The following TUSC3 variants were observed in gnomAD, a reference collection of about 807,000 sequenced individuals.
The protein encoded by TUSC3 is dolichyl-diphosphooligosaccharide--protein glycosyltransferase subunit TUSC3.
In TUSC3, 45 loss-of-function variants were observed where a neutral mutation model predicts 44.8. The observed-to-expected ratio is 1.00, with a 90% CI of 0.79 to 1.29. The LOEUF (loss-of-function observed/expected upper bound fraction) is 1.29. Ranked by LOEUF, TUSC3 falls within the 50% of genes most tolerant of loss-of-function variation. The pLI is 0.00. For missense variants in TUSC3, 519 were observed against 437.9 expected (o/e 1.19, Z -1.65); for synonymous variants, 212 against 152.9 (o/e 1.39, Z -2.85).
chr8:15,541,744 A>C (rs1801698828), intron 1 of TUSC3, among the ~76,000 whole-genome samples: 1 of 152,010 alleles, frequency 6.6e-6, no homozygotes, highest in Admixed American at 6.6e-5. Flanking sequence ...AATATAAATT[A>C]ATGATTTTTT....
intron 1 of TUSC3, among the ~76,000 whole-genome samples, chr8:15,598,809 C>G (rs1462517474): frequency 6.6e-6 from 1 of 151,438 alleles, no homozygotes; most frequent in Non-Finnish European, 1.5e-5. Context: ...AATCTATTGT[C>G]TGGATGTACC....
chr8:15,646,331 G>A (rs1488934375), intron 2 of TUSC3, among the ~76,000 whole-genome samples: 1 of 152,108 alleles, frequency 6.6e-6, no homozygotes, highest in Non-Finnish European at 1.5e-5. Context: ...TTGTGGCCAA[G>A]TTATGGAGGT....
chr8:15,488,021 A>G (rs1163932200), intron 2 of TUSC3, among the ~76,000 whole-genome samples: 2 of 152,000 alleles, frequency 1.3e-5, no homozygotes, highest in African/African-American at 4.8e-5. Flanking sequence ...GTGGTCTCCA[A>G]AAAGTCAATT....
chr8:15,660,204 C>T (rs140149682), intron 4 of TUSC3, among the ~76,000 whole-genome samples: 2 of 151,786 alleles, frequency 1.3e-5, no homozygotes, highest in Admixed American at 1.3e-4. Flanking sequence ...AAATAATATT[C>T]ATTTTATTGG....
rs549133711 is a variant in TUSC3 at position 15,642,271 on chromosome 8, C to G, written c.309-8426C>G. Among the ~76,000 whole-genome samples, 6 of 152,124 alleles carry G rather than the reference C, an allele frequency of 3.9e-5. No homozygotes were observed. In the East Asian group the frequency reaches 1.2e-3, roughly 29 times the overall value. ...ATAGTTAACTGGTTAATCAGTAGTT[C>G]AAGAATTATTTAAGAATAGTATGTG... On this transcript the variant is annotated intron_variant, in intron 2 of 10. Transcript: ENST00000503731.
intron 2 of TUSC3, among the ~76,000 whole-genome samples, chr8:15,505,715 T>G (rs1801042640): frequency 6.6e-6 from 1 of 152,204 alleles, no homozygotes; most frequent in African/African-American, 2.4e-5. Context: ...TCAGGCAGAA[T>G]GGGAGCACTA....
intron 6 of TUSC3, 104 bp downstream of exon 6, chr8:15,673,940 G>T (rs1035312941): frequency 1.0e-5 from 10 of 965,592 alleles, no homozygotes; most frequent in Admixed American, 4.0e-5. Context: ...CTGTTTGTCA[G>T]TCAAAATATA....
chr8:15,829,390 A>AT, the TUSC3 span, among the ~76,000 whole-genome samples: 84 of 151,976 alleles, frequency 5.5e-4, no homozygotes, highest in Middle Eastern at 3.4e-3. Flanking sequence ...GACAGGGGCC[A>AT]TTTTTTTTAC....
At chr8:15,834,877 G>C in the TUSC3 span, among the ~76,000 whole-genome samples, 1 of 152,142 alleles carries the variant, frequency 6.6e-6, no homozygotes, top group Non-Finnish European at 1.5e-5. Flanking sequence ...GTATTCATGA[G>C]ATGTTAAACT....
chr8:15,807,912 A>C, the TUSC3 span, among the ~76,000 whole-genome samples: 274 of 152,350 alleles, frequency 1.8e-3, 1 homozygote, highest in African/African-American at 5.7e-3. Flanking sequence ...ACTTTTGGGT[A>C]CTACATTCTA....
chr8:15,779,761 A>G, the TUSC3 span, among the ~76,000 whole-genome samples: 40 of 152,222 alleles, frequency 2.6e-4, no homozygotes, highest in Non-Finnish European at 1.0e-4. Context: ...ATGTTTTACC[A>G]TAATCTGTAA....
chr8:15,730,774 C>G (rs1585276874), intron 7 of TUSC3, 45 bp downstream of exon 7: 1 of 1,575,010 alleles, frequency 6.3e-7, no homozygotes, highest in Non-Finnish European at 8.7e-7. Flanking sequence ...CAAACTAAAG[C>G]TACATGTTTT....
In TUSC3 at chr8:15,700,849, C is replaced by CTTTTTTTTTTTTTT. The variant is rs71211076; in HGVS notation, c.798+27018_798+27031dup. 1.6e-3 allele frequency among the ~76,000 whole-genome samples: 141 copies of CTTTTTTTTTTTTTT among 90,512 alleles called. 19 individuals are homozygous for CTTTTTTTTTTTTTT. Among genetic ancestry groups the CTTTTTTTTTTTTTT allele is most frequent in the African/African-American group, 4.2e-3 (85 of 20,394 alleles). 59.4% of individuals were successfully genotyped at this position (90,512 alleles called of 152,430 possible). ...CTTTCACTAGAGGGAATGGCTGGAGCTTTTTTTTTTTTTTTTTTGCTTTGC... is the reference window on the plus strand; with the variant it reads ...CTTTCACTAGAGGGAATGGCTGGAGCTTTTTTTTTTTTTTTTTTTTTTTTTTTTTTTTGCTTTGC... On this transcript the variant is annotated intron_variant, in intron 6 of 10. Coordinates refer to ENST00000503731, the MANE Select transcript of TUSC3 (RefSeq NM_006765.4).
intron 1 of TUSC3, among the ~76,000 whole-genome samples, chr8:15,435,383 T>C (rs116278241): frequency 1.4e-3 from 220 of 152,310 alleles, no homozygotes; most frequent in African/African-American, 5.1e-3. Context: ...ATTCCTTATA[T>C]ATTAATGGAA....
intron 1 of TUSC3, among the ~76,000 whole-genome samples, chr8:15,548,558 G>T (rs1049946213): frequency 2.0e-5 from 3 of 151,806 alleles, no homozygotes; most frequent in African/African-American, 7.2e-5. Flanking sequence ...GCAAAAAACA[G>T]CATAGAAAAA....
the TUSC3 span, among the ~76,000 whole-genome samples, chr8:15,841,425 T>C: frequency 5.9e-5 from 9 of 152,316 alleles, 1 homozygote; most frequent in East Asian, 7.7e-4. Context: ...TCTAATATAA[T>C]CAGCCAAACT....
chr8:15,555,912 A>C (rs1019815), intron 1 of TUSC3, among the ~76,000 whole-genome samples: 3 of 151,266 alleles, frequency 2.0e-5, no homozygotes, highest in Non-Finnish European at 4.4e-5. Flanking sequence ...CTCTGATAAA[A>C]ATATATCAAT....
rs563767141 is a variant in TUSC3, at chr8:15,626,618, C to T, written c.308+3369C>T. 2.0e-5 allele frequency among the ~76,000 whole-genome samples: 3 copies of T among 152,300 alleles called. No individual in the cohort carries two copies. In the South Asian group the frequency reaches 6.2e-4, roughly 32 times the overall value. On this transcript the variant is annotated intron_variant, in intron 2 of 10. Transcript: ENST00000503731. ...CTGCACTCTCAGTGGCCCAGGAAGG[C>T]CCCCCTTACCCCTGCAGGCTTGGAG...
chr8:15,524,056 C>CAA (rs35388650), intron 2 of TUSC3, among the ~76,000 whole-genome samples: 3,897 of 135,546 alleles, frequency 0.029, 147 homozygotes, highest in African/African-American at 0.089. Context: ...GACTCCGTCT[C>CAA]AAAAAAAAAA....
Sources: gnomAD v4.1 joint callset for allele counts (sites outside exome capture counted in the v4.1 genomes callset) on GRCh38, gnomAD v4.1.1 for gene constraint, MANE v1.5 for transcripts, NCBI Gene and HGNC (gene_info 2026-07-23, HGNC 2026-07-21) for gene names.